YES1: variants seen among roughly 807,000 people sequenced by gnomAD.
YES1 encodes tyrosine-protein kinase Yes.
A neutral mutation model predicts 70.4 loss-of-function variants in YES1; 39 were observed. The ratio of observed to expected loss-of-function variants is 0.55; its 90% CI spans 0.43 to 0.72. The LOEUF is 0.72. Ranked by LOEUF, YES1 falls within the 30% of genes least tolerant of loss-of-function variation. The pLI is 0.00. For missense variants in YES1, 495 were observed against 644.8 expected, an observed-to-expected ratio of 0.77 and a Z score of 2.52; for synonymous variants, 198 against 218.6, an observed-to-expected ratio of 0.91 and a Z score of 0.83.
intron 1 of YES1, among the ~76,000 whole-genome samples, chr18:758,420 C>T (rs1156428587): frequency 6.6e-6 from 1 of 152,130 alleles, no homozygotes; most frequent in Non-Finnish European, 1.5e-5. Flanking sequence ...ATCTTTCCAA[C>T]CTTTCCAACT....
At chr18:790,135 G>C (rs1906169407) in intron 1 of YES1, among the ~76,000 whole-genome samples, 1 of 152,186 alleles carries the variant, frequency 6.6e-6, no homozygotes, top group Non-Finnish European at 1.5e-5. Context: ...CAGCACTTTG[G>C]GAGACCAAGG....
chr18:795,621 T>C (rs1175188193), intron 1 of YES1, among the ~76,000 whole-genome samples: 3 of 151,988 alleles, frequency 2.0e-5, no homozygotes, highest in Non-Finnish European at 4.4e-5. Context: ...TGGATGAAGC[T>C]GGAAATCATC....
intron 1 of YES1, among the ~76,000 whole-genome samples, chr18:803,251 T>A (rs1024592301): frequency 1.3e-5 from 2 of 152,072 alleles, no homozygotes; most frequent in Non-Finnish European, 2.9e-5. Context: ...AAAAAATAAA[T>A]ACCCATCTCA....
At chr18:787,177 G>A (rs1906004844) in intron 1 of YES1, among the ~76,000 whole-genome samples, 1 of 122,394 alleles carries the variant, frequency 8.2e-6, no homozygotes, top group Non-Finnish European at 1.6e-5. Flanking sequence ...TCAGCTCACT[G>A]CAACCTCCAC....
At chr18:733,064 T>C (rs755755277) in intron 10 of YES1, 99 bp from the exon 11 acceptor site, 164 of 1,142,710 alleles carry the variant, frequency 1.4e-4, no homozygotes, top group Non-Finnish European at 2.0e-4. Context: ...ATCTCTACTG[T>C]AGTCATCAGT....
chr18:731,966 CAAAAAAAAAAA>C (rs1165333694), intron 11 of YES1, among the ~76,000 whole-genome samples: 2 of 79,970 alleles, frequency 2.5e-5, no homozygotes, highest in African/African-American at 5.0e-5. Context: ...GACTCCATTT[CAAAAAAAAAAA>C]AAAAAAAAAA....
chr18:757,303 A>G (rs1031751914), intron 1 of YES1, among the ~76,000 whole-genome samples: 3 of 151,740 alleles, frequency 2.0e-5, no homozygotes, highest in South Asian at 2.1e-4. Context: ...GGAGATTGAG[A>G]CCATCCTGGC....
At chr18:771,611 C>T (rs761398374) in intron 1 of YES1, among the ~76,000 whole-genome samples, 3 of 152,108 alleles carry the variant, frequency 2.0e-5, no homozygotes, top group Non-Finnish European at 2.9e-5. Context: ...TGCAGTGGCG[C>T]GATCACGACT....
intron 1 of YES1, among the ~76,000 whole-genome samples, chr18:774,714 G>C (rs1905295708): frequency 6.6e-6 from 1 of 152,020 alleles, no homozygotes; most frequent in Non-Finnish European, 1.5e-5. Flanking sequence ...TATTCTAATA[G>C]CCTAACTGGT....
chr18:774,168 C>T (rs1417180111), intron 1 of YES1, among the ~76,000 whole-genome samples: 17 of 152,086 alleles, frequency 1.1e-4, no homozygotes. Context: ...CTCTTGGTTT[C>T]CCCCCGTCTT....
At chr18:741,267 C>A (rs1375821432) in intron 8 of YES1, among the ~76,000 whole-genome samples, 1 of 148,564 alleles carries the variant, frequency 6.7e-6, no homozygotes, top group South Asian at 2.1e-4. Context: ...TTTTTTGAGA[C>A]AGTCTCATTT....
intron 1 of YES1, among the ~76,000 whole-genome samples, chr18:804,877 G>A (rs550237963): frequency 5.1e-5 from 7 of 136,404 alleles, no homozygotes; most frequent in African/African-American, 1.9e-4. Flanking sequence ...TCAAGCCACT[G>A]CACTCCAGCC....
chr18:744,387 A>AT (rs1270151509), intron 6 of YES1, among the ~76,000 whole-genome samples: 9 of 132,984 alleles, frequency 6.8e-5, no homozygotes, highest in East Asian at 2.2e-4. Flanking sequence ...CATTTAGGAG[A>AT]TTTTTTCTTT....
intron 1 of YES1, among the ~76,000 whole-genome samples, chr18:787,116 A>C (rs996866540): frequency 3.2e-5 from 2 of 62,340 alleles, no homozygotes; most frequent in African/African-American, 1.3e-4. Context: ...TTTTTTTTTG[A>C]GACAGAGTCT....
intron 9 of YES1, chr18:738,369 T>G (rs1197426598): frequency 6.6e-6 from 1 of 152,230 alleles, no homozygotes; most frequent in African/African-American, 2.4e-5. Context: ...ATATATACCA[T>G]CTTAATTCTT....
chr18:734,423 G>A (rs139783259), intron 10 of YES1, among the ~76,000 whole-genome samples: 1,651 of 151,710 alleles, frequency 0.011, 37 homozygotes, highest in African/African-American at 0.037. Context: ...GCCGAGCTTG[G>A]TGGCAGGCAC....
At chr18:753,276 A>G (rs1314787962) in intron 2 of YES1, among the ~76,000 whole-genome samples, 6 of 152,174 alleles carry the variant, frequency 3.9e-5, no homozygotes, top group South Asian at 4.1e-4. Flanking sequence ...TAACGTATGC[A>G]TTGCATCACA....
chr18:744,622 T>C (rs924885561), intron 6 of YES1, among the ~76,000 whole-genome samples: 4 of 149,422 alleles, frequency 2.7e-5, no homozygotes, highest in Non-Finnish European at 5.9e-5. Context: ...ACTCCTGACC[T>C]CAAGTGATCT....
At chr18:804,424 A>G (rs565679700) in intron 1 of YES1, among the ~76,000 whole-genome samples, 4 of 152,184 alleles carry the variant, frequency 2.6e-5, no homozygotes, top group East Asian at 1.9e-4. Context: ...CCTGGCCAAC[A>G]TGGTGAAACC....
Sources: allele counts gnomAD v4.1 joint callset (sites outside exome capture counted in the v4.1 genomes callset), GRCh38; gene constraint gnomAD v4.1.1; transcripts MANE v1.5; gene names NCBI Gene and HGNC (gene_info 2026-07-23, HGNC 2026-07-21).